GLDC: variants seen among roughly 807,000 people sequenced by gnomAD.
The protein encoded by GLDC is glycine dehydrogenase (decarboxylating), mitochondrial.
In GLDC, 104 loss-of-function variants were observed where a neutral mutation model predicts 121.3. The ratio of observed to expected loss-of-function variants is 0.86; its 90% CI spans 0.73 to 1.01. The LOEUF (loss-of-function observed/expected upper bound fraction) is 1.01. GLDC is among the 50% of genes least tolerant of loss of function. GLDC has a pLI of 0.00. For missense variants in GLDC, 1,429 were observed against 1,306.6 expected (o/e 1.09, Z -1.44); for synonymous variants, 546 against 480.6 (o/e 1.14, Z -1.78).
At chr9:6,602,025 A>C in intron 8 of GLDC, 84 bp downstream of exon 8, 1 of 878,992 alleles carries the variant, frequency 1.1e-6, no homozygotes, top group Non-Finnish European at 1.9e-6. Flanking sequence ...GGTGGTGAAT[A>C]AATGAACAAA....
chr9:6,601,174 A>C (rs1818602795), intron 8 of GLDC, among the ~76,000 whole-genome samples: 1 of 152,124 alleles, frequency 6.6e-6, no homozygotes, highest in South Asian at 2.1e-4. Context: ...CTCTGTCTCG[A>C]AAAAACAAAA....
At chr9:6,628,482 G>C (rs1258133216) in intron 2 of GLDC, among the ~76,000 whole-genome samples, 1 of 152,176 alleles carries the variant, frequency 6.6e-6, no homozygotes, top group African/African-American at 2.4e-5. Context: ...ATGAGAAAAG[G>C]GGGAATCCAT....
intron 15 of GLDC, chr9:6,567,462 T>A (rs1817875793): frequency 6.6e-6 from 1 of 152,216 alleles, no homozygotes; most frequent in Non-Finnish European, 1.5e-5. Flanking sequence ...GCAGATGTGA[T>A]GTGTAGTGAG....
In GLDC at chr9:6,643,579, C is replaced by T. The variant is rs562449637; in HGVS notation, c.334+1035G>A. Among the ~76,000 whole-genome samples the T allele has an allele frequency of 1.6e-4, 24 of 151,364 alleles. No homozygotes were observed. The South Asian group carries it at 4.8e-3, about 30-fold the overall frequency. ...CTGTGCCCTTGACTTATGGATTGTCCCCCCACCCCATGGAAGTCAAATACC... is the reference window on the plus strand; with the variant it reads ...CTGTGCCCTTGACTTATGGATTGTCTCCCCACCCCATGGAAGTCAAATACC... On this transcript the variant is annotated intron_variant, in intron 2 of 24. Coordinates refer to ENST00000321612, the MANE Select transcript of GLDC (RefSeq NM_000170.3).
At chr9:6,564,944 G>C (rs150534614) in intron 16 of GLDC, among the ~76,000 whole-genome samples, 1 of 152,352 alleles carries the variant, frequency 6.6e-6, no homozygotes, top group African/African-American at 2.4e-5. Context: ...ACTATGACCA[G>C]AACCGGGCTT....
intron 2 of GLDC, among the ~76,000 whole-genome samples, chr9:6,638,659 T>G (rs1587985344): frequency 6.6e-6 from 1 of 152,202 alleles, no homozygotes; most frequent in African/African-American, 2.4e-5. Flanking sequence ...CTGTCTGATC[T>G]ATTTATATTA....
rs372595899 is a variant in GLDC at position 6,605,163 on chromosome 9, T to A, written c.829A>T (p.Thr277Ser). Residue 277 changes from threonine (T) to serine (S), a missense_variant, in exon 6 of 25, where the codon ACG becomes TCG. Physicochemically the swap from Thr to Ser is moderately conservative, Grantham distance 58. Coordinates refer to ENST00000321612, the MANE Select transcript of GLDC (RefSeq NM_000170.3). ...TGATGAGCTCTCTCCACGAGTTCCG[T>A]AAAGTCTTCCACCTTCCCCTCCGTG... Reference protein sequence around the residue: ...PDTEGKVEDFTELVERAHQSG... With the variant: ...PDTEGKVEDFSELVERAHQSG... The A allele has an allele frequency of 2.5e-6, 4 of 1,613,150 alleles. No homozygotes were observed. In the African/African-American group the frequency reaches 5.3e-5, roughly 22 times the overall value.
intron 3 of GLDC, among the ~76,000 whole-genome samples, chr9:6,615,300 C>T (rs1171928830): frequency 1.3e-5 from 2 of 151,962 alleles, no homozygotes; most frequent in East Asian, 3.9e-4. Flanking sequence ...TGTTTTAAGA[C>T]TCAGTATACA....
chr9:6,544,576 T>A (rs1472309080), intron 21 of GLDC, among the ~76,000 whole-genome samples: 1 of 143,982 alleles, frequency 6.9e-6, no homozygotes, highest in South Asian at 2.2e-4. Context: ...GAGGCGGGGG[T>A]TGCAGTGAGC....
intron 2 of GLDC, among the ~76,000 whole-genome samples, chr9:6,638,280 C>G (rs1819550487): frequency 6.6e-6 from 1 of 151,776 alleles, no homozygotes; most frequent in Non-Finnish European, 1.5e-5. Context: ...CGCGACTTAG[C>G]TCACTGCAAC....
chr9:6,593,189 G>T, intron 9 of GLDC, 199 bp from the exon 10 acceptor site: 1 of 580,070 alleles, frequency 1.7e-6, no homozygotes, highest in Non-Finnish European at 3.1e-6. Flanking sequence ...AAAAGAGTAA[G>T]GAAAATCAAC....
At chr9:6,591,390 G>C (rs1818371775) in intron 11 of GLDC, among the ~76,000 whole-genome samples, 1 of 152,134 alleles carries the variant, frequency 6.6e-6, no homozygotes, top group Non-Finnish European at 1.5e-5. Flanking sequence ...TTGTTTATCT[G>C]AATCCCTAAT....
At chr9:6,568,190 T>TTCTCTC (rs145587460) in intron 15 of GLDC, among the ~76,000 whole-genome samples, 4 of 149,514 alleles carry the variant, frequency 2.7e-5, no homozygotes, top group Admixed American at 2.7e-4. Flanking sequence ...AATGCTGGAT[T>TTCTCTC]TCTCTCTCTC....
chr9:6,555,310 T>G (rs1446365334), intron 18 of GLDC, among the ~76,000 whole-genome samples: 6 of 152,170 alleles, frequency 3.9e-5, no homozygotes, highest in Admixed American at 3.9e-4. Context: ...ATGACCCAGA[T>G]ACCAGGCATG....
chr9:6,592,801 A>AT, intron 10 of GLDC, 50 bp downstream of exon 10: 1 of 1,541,630 alleles, frequency 6.5e-7, no homozygotes. Flanking sequence ...TTAATGAGAA[A>AT]CAATGTGAAA....
At chr9:6,538,088 T>C (rs1587910703) in intron 22 of GLDC, among the ~76,000 whole-genome samples, 1 of 151,940 alleles carries the variant, frequency 6.6e-6, no homozygotes, top group East Asian at 1.9e-4. Context: ...TGCATACACC[T>C]TTGTCACTCA....
intron 8 of GLDC, 127 bp from the exon 9 acceptor site, chr9:6,595,246 T>G: frequency 1.3e-6 from 1 of 765,186 alleles, no homozygotes; most frequent in Non-Finnish European, 2.3e-6. Context: ...TCCTACATTC[T>G]TTGATAGTTG....
chr9:6,620,539 C>A (rs1216774497), intron 2 of GLDC, among the ~76,000 whole-genome samples: 1 of 151,844 alleles, frequency 6.6e-6, no homozygotes, highest in Non-Finnish European at 1.5e-5. Flanking sequence ...TTGGCCCCCC[C>A]ATCACTGTTT....
At chr9:6,549,648 G>A (rs1225114065) in intron 21 of GLDC, among the ~76,000 whole-genome samples, 1 of 152,128 alleles carries the variant, frequency 6.6e-6, no homozygotes, top group Non-Finnish European at 1.5e-5. Context: ...ACAGCCCAAT[G>A]TGTAAAAGGA....
Sources: gnomAD v4.1 joint callset for allele counts (sites outside exome capture counted in the v4.1 genomes callset) on GRCh38, gnomAD v4.1.1 for gene constraint, MANE v1.5 for transcripts, NCBI Gene and HGNC (gene_info 2026-07-23, HGNC 2026-07-21) for gene names.